Variants in EPHA6 observed in about 807,000 individuals in gnomAD.
EPHA6 encodes the protein ephrin type-A receptor 6.
Under a neutral mutation model 112.0 loss-of-function variants are expected in EPHA6, and 50 were observed. The observed-to-expected ratio is 0.45, with a 90% confidence interval of 0.36 to 0.56. The LOEUF (loss-of-function observed/expected upper bound fraction) is 0.56. Ranked by LOEUF, EPHA6 falls within the 20% of genes least tolerant of loss-of-function variation. The pLI is 0.00. For synonymous variants in EPHA6, 529 were observed against 490.7 expected (o/e 1.08, Z -1.03); for missense variants, 1,280 against 1,417.4 (o/e 0.90, Z 1.56).
Position 96,909,569 on chromosome 3 carries a change from T to A in EPHA6, c.450+42680T>A, listed in dbSNP as rs137964420. Reference sequence around the variant, plus strand: ...GTCTGGAGTTCACTTACTGAATTTATTTATACTTTACCTTTTTCCAAAAGG... The same window carrying A: ...GTCTGGAGTTCACTTACTGAATTTAATTATACTTTACCTTTTTCCAAAAGG... On this transcript the variant is annotated intron_variant, in intron 2 of 17. Coordinates refer to ENST00000389672, the MANE Select transcript of EPHA6 (RefSeq NM_001080448.3). 6.6e-4 allele frequency among the ~76,000 whole-genome samples: 100 copies of A among 152,118 alleles called. No individual in the cohort carries two copies. In the East Asian group the frequency reaches 0.016, roughly 24 times the overall value.
intron 5 of EPHA6, among the ~76,000 whole-genome samples, chr3:97,324,590 G>C (rs527473980): frequency 1.3e-5 from 2 of 149,344 alleles, no homozygotes; most frequent in South Asian, 2.1e-4. Flanking sequence ...TCAGGCTGGA[G>C]TGCAATAGTA....
intron 3 of EPHA6, among the ~76,000 whole-genome samples, chr3:97,179,809 C>A (rs961606142): frequency 6.7e-6 from 1 of 149,452 alleles, no homozygotes; most frequent in Non-Finnish European, 1.5e-5. Context: ...GCTTCTATGG[C>A]CACCACCATT....
At chr3:96,975,418 A>G (rs1242532811) in intron 2 of EPHA6, among the ~76,000 whole-genome samples, 3 of 152,196 alleles carry the variant, frequency 2.0e-5, no homozygotes, top group Non-Finnish European at 4.4e-5. Context: ...TAGAAGACCT[A>G]GTTCTAATTC....
chr3:97,401,813 C>A (rs776320729), intron 5 of EPHA6, among the ~76,000 whole-genome samples: 2 of 151,580 alleles, frequency 1.3e-5, no homozygotes, highest in African/African-American at 2.4e-5. Flanking sequence ...TGCTATAAAC[C>A]TCACTCTTAG....
intron 2 of EPHA6, among the ~76,000 whole-genome samples, chr3:96,892,923 C>A (rs2038047662): frequency 6.7e-6 from 1 of 150,244 alleles, no homozygotes; most frequent in African/African-American, 2.5e-5. Context: ...TAGTGTTTAG[C>A]CTAGCCTGAT....
At chr3:96,843,752 G>GT (rs1433952297) in intron 1 of EPHA6, among the ~76,000 whole-genome samples, 1 of 152,026 alleles carries the variant, frequency 6.6e-6, no homozygotes, top group East Asian at 1.9e-4. Context: ...GATTATCACT[G>GT]TGAGTATATC....
chr3:97,566,012 C>G, intron 11 of EPHA6, among the ~76,000 whole-genome samples: 1 of 139,842 alleles, frequency 7.2e-6, no homozygotes, highest in Non-Finnish European at 1.5e-5. Flanking sequence ...GAGCGAGACA[C>G]CGTCTCAAAA....
intron 14 of EPHA6, among the ~76,000 whole-genome samples, chr3:97,704,109 A>G (rs889366476): frequency 6.6e-6 from 1 of 152,220 alleles, no homozygotes; most frequent in African/African-American, 2.4e-5. Flanking sequence ...AATTTTAAAT[A>G]TCTATAGAAA....
chr3:97,157,657 A>G (rs2076320091), intron 3 of EPHA6, among the ~76,000 whole-genome samples: 2 of 152,112 alleles, frequency 1.3e-5, no homozygotes, highest in Admixed American at 6.6e-5. Context: ...TCCAGTGTGA[A>G]AGCCAGAAGG....
chr3:97,436,606 G>A (rs1286133778), intron 6 of EPHA6, among the ~76,000 whole-genome samples: 1 of 152,134 alleles, frequency 6.6e-6, no homozygotes, highest in African/African-American at 2.4e-5. Flanking sequence ...ACAAATGTGT[G>A]ACTTTACATA....
At chr3:97,299,528 A>G (rs1021328549) in intron 5 of EPHA6, among the ~76,000 whole-genome samples, 3 of 152,058 alleles carry the variant, frequency 2.0e-5, no homozygotes, top group Non-Finnish European at 4.4e-5. Flanking sequence ...TGAAGCAGCT[A>G]TTTGAGAGGA....
intron 2 of EPHA6, among the ~76,000 whole-genome samples, chr3:96,952,551 C>T (rs1301998773): frequency 6.6e-6 from 1 of 152,056 alleles, no homozygotes; most frequent in African/African-American, 2.4e-5. Context: ...AAGATTTTAC[C>T]AGATGTTGCT....
intron 6 of EPHA6, among the ~76,000 whole-genome samples, chr3:97,406,378 C>A (rs1399788367): frequency 1.3e-5 from 2 of 152,028 alleles, no homozygotes; most frequent in African/African-American, 4.8e-5. Context: ...GAGGGCAAGG[C>A]CAGGGTGAGA....
intron 3 of EPHA6, among the ~76,000 whole-genome samples, chr3:97,070,034 C>T (rs2046304881): frequency 6.6e-6 from 1 of 152,086 alleles, no homozygotes; most frequent in Non-Finnish European, 1.5e-5. Context: ...TGCGGCATGA[C>T]TGATTCTGTT....
intron 5 of EPHA6, among the ~76,000 whole-genome samples, chr3:97,267,260 A>G (rs1231565500): frequency 2.0e-5 from 3 of 152,032 alleles, no homozygotes. Context: ...CAATGGGTCT[A>G]TCTTGGTGGG....
chr3:97,556,096 A>T (rs2093105317), intron 11 of EPHA6, among the ~76,000 whole-genome samples: 1 of 151,972 alleles, frequency 6.6e-6, no homozygotes, highest in African/African-American at 2.4e-5. Flanking sequence ...AAGCCCACTG[A>T]AATTATTCAA....
At chr3:97,168,468 G>T (rs1004468986) in intron 3 of EPHA6, among the ~76,000 whole-genome samples, 1 of 151,966 alleles carries the variant, frequency 6.6e-6, no homozygotes, top group African/African-American at 2.4e-5. Context: ...GTTCAAAATT[G>T]TGTAGCACCT....
At chr3:97,640,277 G>A (rs1034904745) in intron 14 of EPHA6, among the ~76,000 whole-genome samples, 1 of 152,076 alleles carries the variant, frequency 6.6e-6, no homozygotes. Context: ...AAAAAGACAT[G>A]GAAATGCAAA....
chr3:97,617,950 C>G (rs1016029709), intron 13 of EPHA6, among the ~76,000 whole-genome samples: 2 of 152,064 alleles, frequency 1.3e-5, no homozygotes, highest in Admixed American at 6.6e-5. Flanking sequence ...ATCTAAAGAC[C>G]TCTCCACTCC....
Sources: allele counts gnomAD v4.1 joint callset (sites outside exome capture counted in the v4.1 genomes callset), GRCh38; gene constraint gnomAD v4.1.1; transcripts MANE v1.5; gene names NCBI Gene and HGNC (gene_info 2026-07-23, HGNC 2026-07-21).